Variants in TASP1 observed in about 807,000 individuals in gnomAD.
The protein encoded by TASP1 is threonine aspartase 1.
Under a neutral mutation model 56.6 loss-of-function variants are expected in TASP1, and 16 were observed. The ratio of observed to expected loss-of-function variants is 0.28; its 90% confidence interval spans 0.19 to 0.43. The LOEUF is 0.43. TASP1 is among the 20% of genes least tolerant of loss of function. The pLI, the probability that TASP1 is intolerant of heterozygous loss-of-function variation, is 1.00. For synonymous variants in TASP1, 179 were observed against 184.2 expected (o/e 0.97, Z 0.23); for missense variants, 393 against 511.6 (o/e 0.77, Z 2.24).
the TASP1 span, among the ~76,000 whole-genome samples, chr20:13,341,498 T>A: frequency 6.6e-6 from 1 of 152,126 alleles, no homozygotes; most frequent in African/African-American, 2.4e-5. Context: ...TCACAATATT[T>A]CAAGGAAGTT....
intron 10 of TASP1, among the ~76,000 whole-genome samples, chr20:13,510,155 A>G (rs1425845601): frequency 6.6e-6 from 1 of 152,092 alleles, no homozygotes; most frequent in Non-Finnish European, 1.5e-5. Context: ...TAAAAAAAAA[A>G]CAGTAGAATG....
the TASP1 span, among the ~76,000 whole-genome samples, chr20:13,195,105 G>A: frequency 1.3e-5 from 2 of 152,036 alleles, no homozygotes; most frequent in Non-Finnish European, 2.9e-5. Flanking sequence ...TCCATGCCTT[G>A]GCGCCCTTAA....
rs1391546876 is a variant in TASP1 at position 13,417,448 on chromosome 20, C to G, written c.1170G>C (p.Lys390Asn). The change falls in exon 13 of 14, where the codon AAG becomes AAC. Residue 390 changes from lysine (K) to asparagine (N), a missense_variant and splice_region_variant. Lys to Asn is a moderately conservative substitution (Grantham distance 94). Coordinates refer to ENST00000337743, the MANE Select transcript of TASP1 (RefSeq NM_017714.3). Reference sequence around the variant, plus strand: ...GTTATGACCGTTTTTTCCCACTTACCTTGGCTTTCCCATCCTGGGCTGACA... The same window carrying G: ...GTTATGACCGTTTTTTCCCACTTACGTTGGCTTTCCCATCCTGGGCTGACA... Reference protein sequence around the residue: ...GYMSAQDGKAKTHISRLPPGA... With the variant: ...GYMSAQDGKANTHISRLPPGA... The G allele has an allele frequency of 1.9e-6, 3 of 1,613,896 alleles. No individual in the cohort carries two copies. The highest frequency in any genetic ancestry group is 2.5e-6 in the Non-Finnish European group (3 of 1,179,900).
At chr20:13,637,683 A>C (rs1287020409) in intron 1 of TASP1, among the ~76,000 whole-genome samples, 1 of 152,204 alleles carries the variant, frequency 6.6e-6, no homozygotes, top group Non-Finnish European at 1.5e-5. Flanking sequence ...GTATAGGAAA[A>C]TCCATAGATA....
the TASP1 span, among the ~76,000 whole-genome samples, chr20:13,336,474 G>A: frequency 2.0e-5 from 3 of 152,014 alleles, no homozygotes; most frequent in African/African-American, 4.8e-5. Context: ...AAGAATTGAG[G>A]TTGGGCCAGC....
At chr20:13,509,440 A>G (rs930269806) in intron 10 of TASP1, among the ~76,000 whole-genome samples, 3 of 152,148 alleles carry the variant, frequency 2.0e-5, no homozygotes, top group African/African-American at 7.2e-5. Flanking sequence ...ATTACAGTTA[A>G]TAATAATGTA....
At chr20:13,602,646 A>C (rs941029931) in intron 4 of TASP1, among the ~76,000 whole-genome samples, 2 of 152,094 alleles carry the variant, frequency 1.3e-5, no homozygotes, top group Non-Finnish European at 2.9e-5. Flanking sequence ...TCCACCTCAG[A>C]TCATCAGGCA....
the TASP1 span, among the ~76,000 whole-genome samples, chr20:13,161,282 T>C: frequency 6.6e-6 from 1 of 152,134 alleles, no homozygotes; most frequent in East Asian, 1.9e-4. Context: ...AAATTTTCAA[T>C]GGGAGTGGGG....
At position 13,492,558 on chromosome 20, in the gene TASP1, C is replaced by A. The variant is rs182344676; in HGVS notation, c.875-9221G>T. Reference sequence around the variant, plus strand: ...TCACAGTGTCCCTATGGTTATCAAACCTGGAACCTATTATATACAAGGGGA... The same window carrying A: ...TCACAGTGTCCCTATGGTTATCAAAACTGGAACCTATTATATACAAGGGGA... On this transcript the variant is annotated intron_variant, in intron 10 of 13. Transcript: ENST00000337743. 6.6e-5 allele frequency among the ~76,000 whole-genome samples: 10 copies of A among 152,204 alleles called. No homozygotes were observed. The East Asian group carries it at 1.7e-3, about 26-fold the overall frequency.
At chr20:13,393,179 T>G in intron 13 of TASP1, 1 of 689,984 alleles carries the variant, frequency 1.4e-6, no homozygotes, top group Non-Finnish European at 2.7e-6. Context: ...ACAACTTTGG[T>G]ATCATGGAAG....
the TASP1 span, among the ~76,000 whole-genome samples, chr20:13,274,894 T>A: frequency 6.6e-6 from 1 of 152,058 alleles, no homozygotes; most frequent in Admixed American, 6.6e-5. Context: ...ACTACTAAAC[T>A]GAGTCTCCAT....
chr20:13,302,055 G>A, the TASP1 span, among the ~76,000 whole-genome samples: 1 of 152,142 alleles, frequency 6.6e-6, no homozygotes, highest in East Asian at 1.9e-4. Context: ...CTGAAAACCG[G>A]GAGTTTAAGG....
chr20:13,574,962 A>G (rs1318769672), intron 6 of TASP1, among the ~76,000 whole-genome samples: 1 of 152,170 alleles, frequency 6.6e-6, no homozygotes, highest in Admixed American at 6.5e-5. Context: ...AGTTGATGAA[A>G]TATATATCCC....
chr20:13,152,299 G>A, the TASP1 span, among the ~76,000 whole-genome samples: 1 of 152,164 alleles, frequency 6.6e-6, no homozygotes, highest in Non-Finnish European at 1.5e-5. Context: ...CATTACATAT[G>A]GGTGAGCTAT....
chr20:13,262,687 C>G, the TASP1 span, among the ~76,000 whole-genome samples: 1 of 152,164 alleles, frequency 6.6e-6, no homozygotes, highest in East Asian at 1.9e-4. Flanking sequence ...TTTTCAAGAT[C>G]AAAGCAGTTT....
At chr20:13,438,775 C>G (rs2043107756) in intron 11 of TASP1, among the ~76,000 whole-genome samples, 1 of 152,142 alleles carries the variant, frequency 6.6e-6, no homozygotes, top group Admixed American at 6.5e-5. Context: ...GGGCGAATAT[C>G]CAGAATCTAC....
chr20:13,611,001 G>C (rs1041833803), intron 4 of TASP1, among the ~76,000 whole-genome samples: 2 of 152,078 alleles, frequency 1.3e-5, no homozygotes, highest in African/African-American at 4.8e-5. Flanking sequence ...ACCACTCTGG[G>C]GCTAGGATTC....
At chr20:13,383,442 CAG>C in the TASP1 span, among the ~76,000 whole-genome samples, 1 of 152,180 alleles carries the variant, frequency 6.6e-6, no homozygotes, top group South Asian at 2.1e-4. Context: ...TGGTGGCCCT[CAG>C]TGAATCTAGC....
intron 4 of TASP1, among the ~76,000 whole-genome samples, chr20:13,613,883 A>T (rs889974258): frequency 1.5e-4 from 23 of 152,132 alleles, no homozygotes; most frequent in Non-Finnish European, 2.9e-5. Flanking sequence ...CATACTTGCA[A>T]ATCAGAGGTT....
Sources: allele counts gnomAD v4.1 joint callset (sites outside exome capture counted in the v4.1 genomes callset), GRCh38; gene constraint gnomAD v4.1.1; transcripts MANE v1.5; gene names NCBI Gene and HGNC (gene_info 2026-07-23, HGNC 2026-07-21).